EPHA2: variants seen among roughly 807,000 people sequenced by gnomAD.
EPHA2 encodes ephrin type-A receptor 2.
Under a neutral mutation model 104.9 loss-of-function variants are expected in EPHA2, and 54 were observed. The ratio of observed to expected loss-of-function variants is 0.51; its 90% CI spans 0.41 to 0.65. EPHA2 has a LOEUF of 0.65. EPHA2 is among the 30% of genes least tolerant of loss of function. The pLI, the probability that EPHA2 is intolerant of heterozygous loss-of-function variation, is 0.00. For synonymous variants in EPHA2, 560 were observed against 559.1 expected (o/e 1.00, Z -0.02); for missense variants, 1,117 against 1,369.5 (o/e 0.82, Z 2.91).
chr1:16,139,125 C>G (rs1028105705), intron 3 of EPHA2, among the ~76,000 whole-genome samples: 1 of 152,202 alleles, frequency 6.6e-6, no homozygotes, highest in African/African-American at 2.4e-5. Context: ...CCCCCAGTGG[C>G]CAGTCCTGTC....
intron 1 of EPHA2, chr1:16,153,351 G>A: frequency 1.0e-6 from 1 of 984,224 alleles, no homozygotes; most frequent in Non-Finnish European, 1.2e-6. Flanking sequence ...GAAGCAGGGA[G>A]GTGGGGACTC....
chr1:16,130,534 C>G lies in EPHA2; in HGVS notation c.2476-115G>C. 1 of 1,075,304 alleles carries G rather than the reference C, an allele frequency of 9.3e-7. No homozygotes were observed. The highest frequency in any genetic ancestry group is 1.3e-6 in the Non-Finnish European group (1 of 778,116). The allele number at this position is 1,075,304 out of a possible 1,614,324, so 66.6% of individuals were successfully genotyped here. A position where few individuals can be genotyped will look rare whatever the true frequency, so the allele number is the denominator to read the frequency against. Reference sequence around the variant, plus strand: ...GAGGGGAACAGGAACATCCCAGAAACAGACAGGAAGGGCCTTTCTTGAGCT... The same window carrying G: ...GAGGGGAACAGGAACATCCCAGAAAGAGACAGGAAGGGCCTTTCTTGAGCT... On this transcript the variant is annotated intron_variant, in intron 14 of 16. Coordinates refer to ENST00000358432, the MANE Select transcript of EPHA2 (RefSeq NM_004431.5). The surrounding 1 kb of genome is among the most constrained non-coding windows in gnomAD (Gnocchi z 4.5).
intron 11 of EPHA2, 86 bp downstream of exon 11, chr1:16,133,094 G>A: frequency 6.4e-7 from 1 of 1,568,514 alleles, no homozygotes; most frequent in African/African-American, 1.4e-5. Flanking sequence ...GGTGGGCACA[G>A]GTATAGGGGA....
In EPHA2 at chr1:16,134,684, G is replaced by T; in HGVS notation, c.1583-117C>A. On this transcript the variant is annotated intron_variant, in intron 7 of 16. Transcript: ENST00000358432. The surrounding 1 kb of genome is among the most constrained non-coding windows in gnomAD (Gnocchi z 4.5). ...GTGCTGGGTGCTTGCACTTGGGAAG[G>T]CTCCAGAGGGTACTTAGTCCCATTT... The T allele has an allele frequency of 1.8e-6, 2 of 1,096,732 alleles. No homozygotes were observed. Among genetic ancestry groups the T allele is most frequent in the Non-Finnish European group, 2.7e-6 (2 of 733,354 alleles). 67.9% of individuals were successfully genotyped at this position (1,096,732 alleles called of 1,614,324 possible).
intron 5 of EPHA2, among the ~76,000 whole-genome samples, chr1:16,137,091 C>T (rs913266141): frequency 5.3e-5 from 8 of 152,010 alleles, no homozygotes; most frequent in Non-Finnish European, 7.4e-5. Flanking sequence ...TGAGCCACCG[C>T]GCCCAGTCTC....
At chr1:16,144,653 C>T (rs1423116091) in intron 3 of EPHA2, among the ~76,000 whole-genome samples, 1 of 152,216 alleles carries the variant, frequency 6.6e-6, no homozygotes, top group Non-Finnish European at 1.5e-5. Flanking sequence ...AAGCTCGGAT[C>T]ACCAGGTTGA....
chr1:16,140,052 A>G (rs187632928), intron 3 of EPHA2, among the ~76,000 whole-genome samples: 1 of 152,328 alleles, frequency 6.6e-6, no homozygotes, highest in Non-Finnish European at 1.5e-5. Flanking sequence ...GACTCTCGTC[A>G]TCCAGTCCCC....
Position 16,131,749 on chromosome 1 carries a change from C to G in EPHA2, c.2447G>C (p.Arg816Pro). ...VMWEVMTYGERPYWELSNHEV... is the reference protein window; with the variant it reads ...VMWEVMTYGEPPYWELSNHEV... ...GTGGTTGGACAACTCCCAGTAGGGC[C>G]GCTCGCCATAGGTCATCACCTCCCA... Residue 816 changes from arginine to proline, a missense_variant, in exon 14 of 17, where the codon CGG becomes CCG. Around this residue, in one of 3 missense-constraint regions of EPHA2, gnomAD observed 340 missense variants for 480.5 expected, o/e 0.71. Coordinates refer to ENST00000358432, the MANE Select transcript of EPHA2 (RefSeq NM_004431.5). This position sits in a 1 kb window ranked among gnomAD's most constrained non-coding sequence, Gnocchi z 5.2. 6.2e-7 allele frequency: 1 copy of G among 1,614,102 alleles called. No homozygotes were observed. Among genetic ancestry groups the G allele is most frequent in the Non-Finnish European group, 8.5e-7 (1 of 1,180,028 alleles).
intron 9 of EPHA2, 76 bp from the exon 10 acceptor site, chr1:16,133,682 G>C: frequency 3.1e-6 from 5 of 1,599,530 alleles, no homozygotes; most frequent in Non-Finnish European, 3.4e-6. Context: ...CAGAGGAGAA[G>C]GTCACGTGAT....
intron 1 of EPHA2, chr1:16,155,168 T>C (rs1569625986): frequency 1.3e-5 from 2 of 152,440 alleles, no homozygotes; most frequent in East Asian, 3.9e-4. Context: ...ATTTCCTCGT[T>C]CTGAGTCACC....
rs948205383 is a variant in EPHA2 at position 16,140,231 on chromosome 1, C to T, written c.824-1801G>A. Reference sequence around the variant, plus strand: ...CTGGCCCAGGGACCACACAAACAGCCGCTCTCACCCCCTTGGTCCATCCTG... The same window carrying T: ...CTGGCCCAGGGACCACACAAACAGCTGCTCTCACCCCCTTGGTCCATCCTG... On this transcript the variant is annotated intron_variant, in intron 3 of 16. Coordinates refer to ENST00000358432, the MANE Select transcript of EPHA2 (RefSeq NM_004431.5). 7.6e-4 allele frequency among the ~76,000 whole-genome samples: 116 copies of T among 152,318 alleles called. 1 individual carries two copies. Among genetic ancestry groups the T allele is most frequent in the African/African-American group, 2.7e-3 (113 of 41,560 alleles).
chr1:16,133,064 G>A (rs1570400686), intron 11 of EPHA2, 116 bp downstream of exon 11: 2 of 1,381,948 alleles, frequency 1.4e-6, no homozygotes, highest in East Asian at 2.4e-5. Flanking sequence ...TAGAGGAGGT[G>A]GGTGCAGGTG....
intron 3 of EPHA2, among the ~76,000 whole-genome samples, chr1:16,142,238 T>C (rs1445895281): frequency 2.0e-5 from 3 of 152,240 alleles, no homozygotes; most frequent in African/African-American, 4.8e-5. Context: ...GTTTACCAAA[T>C]AGAAATGGGC....
intron 3 of EPHA2, among the ~76,000 whole-genome samples, chr1:16,145,856 C>T (rs2024922264): frequency 6.6e-6 from 1 of 152,248 alleles, no homozygotes; most frequent in African/African-American, 2.4e-5. Context: ...CACATCCTAG[C>T]TGTGTGACTT....
Position 16,141,262 on chromosome 1 carries a change from G to A in EPHA2, c.824-2832C>T, listed in dbSNP as rs988412555. On this transcript the variant is annotated intron_variant, in intron 3 of 16. Transcript: ENST00000358432. ...CTTTTGTGTCTGTGAGCAGAAAAGT[G>A]TAGACTCCAGCCCAGGGGGGTTGGT... 2.0e-5 allele frequency among the ~76,000 whole-genome samples: 3 copies of A among 152,304 alleles called. No individual in the cohort carries two copies. In the Middle Eastern group the frequency reaches 0.01, roughly 518 times the overall value.
rs1477038802 is a variant in EPHA2, at chr1:16,148,594, C to G, written c.607G>C (p.Glu203Gln). ...AAGTGGGCCAGGCCCTGCAGCAGCT[C>G]GGGGCACTTCTTGTAGTAGACACGG... ...SVRVYYKKCPELLQGLAHFPE... is the reference protein window; with the variant it reads ...SVRVYYKKCPQLLQGLAHFPE... The change falls in exon 3 of 17, where the codon GAG (glutamate) becomes CAG (glutamine). Residue 203 changes from glutamate to glutamine, a missense_variant. By Grantham distance (29) the Glu-to-Gln change is conservative. This residue lies in a region of EPHA2 where 664 missense variants were observed against 784.8 expected (regional missense o/e 0.85). Transcript: ENST00000358432. The surrounding 1 kb of genome is among the most constrained non-coding windows in gnomAD (Gnocchi z 4.9). 6.2e-7 allele frequency: 1 copy of G among 1,610,224 alleles called. No individual in the cohort carries two copies. Among genetic ancestry groups the G allele is most frequent in the African/African-American group, 1.3e-5 (1 of 74,944 alleles).
At chr1:16,145,228 G>A (rs938109298) in intron 3 of EPHA2, among the ~76,000 whole-genome samples, 5 of 152,324 alleles carry the variant, frequency 3.3e-5, no homozygotes, top group East Asian at 3.9e-4. Flanking sequence ...AGCAGCCCCC[G>A]GGGGACAGCG....
chr1:16,151,661 G>T (rs2025039882), intron 1 of EPHA2, among the ~76,000 whole-genome samples: 1 of 152,158 alleles, frequency 6.6e-6, no homozygotes, highest in South Asian at 2.1e-4. Flanking sequence ...CCTAAGAGGG[G>T]CCCAAAGATA....
chr1:16,129,275 G>A (rs535984249), intron 16 of EPHA2, among the ~76,000 whole-genome samples, 159 bp downstream of exon 16: 1 of 152,024 alleles, frequency 6.6e-6, no homozygotes, highest in Non-Finnish European at 1.5e-5. Context: ...CCAGCTGCTG[G>A]CGGAGTTCTG....
Sources: allele counts gnomAD v4.1 joint callset (sites outside exome capture counted in the v4.1 genomes callset), GRCh38; gene constraint gnomAD v4.1.1; regional missense constraint gnomAD v4.1.1; non-coding constraint Gnocchi (gnomAD v3.1); transcripts MANE v1.5; gene names NCBI Gene and HGNC (gene_info 2026-07-23, HGNC 2026-07-21).